Variants in SARS2 observed in about 807,000 individuals in gnomAD.
SARS2 encodes the protein serine--tRNA ligase, mitochondrial.
A neutral mutation model predicts 66.8 loss-of-function variants in SARS2; 52 were observed. The observed-to-expected ratio is 0.78, with a 90% confidence interval of 0.62 to 0.98. The LOEUF (loss-of-function observed/expected upper bound fraction) is 0.98. Among genes scored for constraint, SARS2 ranks in the 50% least tolerant of loss-of-function variants. The pLI is 0.00. For missense variants in SARS2, 673 were observed against 706.3 expected (o/e 0.95, Z 0.53); for synonymous variants, 306 against 281.4 (o/e 1.09, Z -0.87).
chr19:38,923,855 T>A (rs1281910940), intron 2 of SARS2, among the ~76,000 whole-genome samples: 2 of 151,992 alleles, frequency 1.3e-5, no homozygotes, highest in African/African-American at 4.8e-5. Flanking sequence ...GCGCCTGTAG[T>A]CCCAGCTACT....
Position 38,921,086 on chromosome 19 carries a change from C to CACAGAT in SARS2, c.589+305_589+306insATCTGT, listed in dbSNP as rs527541721. 4.6e-3 allele frequency among the ~76,000 whole-genome samples: 705 copies of CACAGAT among 151,824 alleles called. 13 individuals are homozygous for CACAGAT. The highest frequency in any genetic ancestry group is 0.016 in the African/African-American group (678 of 41,280). On this transcript the variant is annotated intron_variant, in intron 5 of 15. Coordinates refer to ENST00000221431, the MANE Select transcript of SARS2 (RefSeq NM_017827.4). Reference sequence around the variant, plus strand: ...ACATACAGATACAGACACACAGATACAGACACACATGACACACAGTCACAC... The same window carrying CACAGAT: ...ACATACAGATACAGACACACAGATACACAGATAGACACACATGACACACAGTCACAC...
rs1276140761 is a variant in SARS2 at position 38,920,155 on chromosome 19, T to C, written c.590-6A>G. 2 of 1,557,284 alleles carry C rather than the reference T, an allele frequency of 1.3e-6. No individual in the cohort carries two copies. Among genetic ancestry groups the C allele is most frequent in the Non-Finnish European group, 1.7e-6 (2 of 1,149,860 alleles). ...CCGAGGTTGGAAGGAGAAAACTGGATGTGGGTGAAAAGCACCGGTGTAAGG... is the reference window on the plus strand; with the variant it reads ...CCGAGGTTGGAAGGAGAAAACTGGACGTGGGTGAAAAGCACCGGTGTAAGG... On this transcript the variant is annotated splice_polypyrimidine_tract_variant and splice_region_variant and intron_variant, in intron 5 of 15. Coordinates refer to ENST00000221431, the MANE Select transcript of SARS2 (RefSeq NM_017827.4).
chr19:38,925,242 G>A (rs1974607897), intron 2 of SARS2, among the ~76,000 whole-genome samples: 1 of 152,178 alleles, frequency 6.6e-6, no homozygotes, highest in Admixed American at 6.5e-5. Context: ...GAACCCAGGG[G>A]GCAGAGGGTG....
At position 38,919,837 on chromosome 19, in the gene SARS2, G is replaced by A; in HGVS notation, c.684C>T (p.Ser228=). The A allele has an allele frequency of 6.2e-7, 1 of 1,614,160 alleles. No individual in the cohort carries two copies. Among genetic ancestry groups the A allele is most frequent in the Non-Finnish European group, 8.5e-7 (1 of 1,180,002 alleles). The change falls in exon 7 of 16, where the codon TCC becomes TCT. Residue 228 remains serine, a synonymous_variant. Coordinates refer to ENST00000221431, the MANE Select transcript of SARS2 (RefSeq NM_017827.4). The part of the protein sequence containing the change: ...KRLSHVSGHR[S]YYLRGAGALL... ...GGGCTCCAGCCCCGCGCAGGTAATAGGACCGGTGGCCAGACACGTGGGACA... is the reference window on the plus strand; with the variant it reads ...GGGCTCCAGCCCCGCGCAGGTAATAAGACCGGTGGCCAGACACGTGGGACA...
At chr19:38,918,885 G>A (rs1974468642) in intron 7 of SARS2, 72 bp from the exon 8 acceptor site, 1 of 1,460,798 alleles carries the variant, frequency 6.8e-7, no homozygotes, top group African/African-American at 1.4e-5. Flanking sequence ...CTGAAGAAGG[G>A]GTGCTGCAGA....
In SARS2 at chr19:38,920,152, G is replaced by A; in HGVS notation, c.590-3C>T. Reference sequence around the variant, plus strand: ...GCCCCGAGGTTGGAAGGAGAAAACTGGATGTGGGTGAAAAGCACCGGTGTA... The same window carrying A: ...GCCCCGAGGTTGGAAGGAGAAAACTAGATGTGGGTGAAAAGCACCGGTGTA... On this transcript the variant is annotated splice_polypyrimidine_tract_variant and splice_region_variant and intron_variant, in intron 5 of 15. Transcript: ENST00000221431. 6.4e-7 allele frequency: 1 copy of A among 1,558,130 alleles called. No individual in the cohort carries two copies. The highest frequency in any genetic ancestry group is 8.7e-7 in the Non-Finnish European group (1 of 1,150,164).
At chr19:38,929,159 G>T (rs1974682005) in intron 1 of SARS2, among the ~76,000 whole-genome samples, 1 of 151,688 alleles carries the variant, frequency 6.6e-6, no homozygotes, top group Admixed American at 6.6e-5. Context: ...AGAAGTCGCA[G>T]CGCACTCCAG....
At chr19:38,919,617 T>G (rs1974480921) in intron 7 of SARS2, 145 bp downstream of exon 7, 1 of 718,178 alleles carries the variant, frequency 1.4e-6, no homozygotes, top group Non-Finnish European at 2.5e-6. Context: ...AAAGTTGTCG[T>G]AAGGACTAAA....
At chr19:38,921,014 CAG>C (rs1568425664) in intron 5 of SARS2, among the ~76,000 whole-genome samples, 2 of 27,866 alleles carry the variant, frequency 7.2e-5, no homozygotes, top group Non-Finnish European at 1.9e-4. Flanking sequence ...CAGACACACA[CAG>C]ATACACAGAT....
chr19:38,918,645 T>C, intron 8 of SARS2, 115 bp from the exon 9 acceptor site: 1 of 1,387,884 alleles, frequency 7.2e-7, no homozygotes, highest in Non-Finnish European at 1.0e-6. Context: ...CTGGCCTCCC[T>C]GGTATGGCCT....
At chr19:38,918,191 C>A (rs1264304243) in intron 9 of SARS2, 52 bp from the exon 10 acceptor site, 4 of 1,554,618 alleles carry the variant, frequency 2.6e-6, no homozygotes, top group African/African-American at 2.7e-5. Flanking sequence ...CCAGAGGAAG[C>A]CTTTGGAAGA....
rs760460382 is a variant in SARS2 at position 38,915,900 on chromosome 19, C to T, written c.1354G>A (p.Ala452Thr). 3 of 1,613,754 alleles carry T rather than the reference C, an allele frequency of 1.9e-6. No individual in the cohort carries two copies. The highest frequency in any genetic ancestry group is 1.1e-5 in the South Asian group (1 of 91,086). ...AGGCGGGGGACAGCACAGGCGGTGG[C>T]GTTCACCTGTGAGACAGCCATGCTC... ...GELQFAHTVN[A>T]TACAVPRLLI... The change falls in exon 15 of 16, where the codon GCC becomes ACC. Residue 452 changes from alanine (A) to threonine (T), a missense_variant. Ala to Thr is a moderately conservative substitution (Grantham distance 58). Coordinates refer to ENST00000221431, the MANE Select transcript of SARS2 (RefSeq NM_017827.4).
At chr19:38,921,702 G>T (rs1294901076) in intron 3 of SARS2, 35 bp from the exon 4 acceptor site, 5 of 1,612,382 alleles carry the variant, frequency 3.1e-6, no homozygotes, top group Non-Finnish European at 4.2e-6. Context: ...GCCCGGGAGA[G>T]GGTCAGGACT....
At position 38,921,216 on chromosome 19, in the gene SARS2, C is replaced by T. The variant is rs1257572793; in HGVS notation, c.589+176G>A. Among the ~76,000 whole-genome samples, 4 of 152,158 alleles carry T rather than the reference C, an allele frequency of 2.6e-5. 1 individual carries two copies. Among genetic ancestry groups the T allele is most frequent in the Non-Finnish European group, 5.9e-5 (4 of 68,020 alleles). On this transcript the variant is annotated intron_variant, in intron 5 of 15. Coordinates refer to ENST00000221431, the MANE Select transcript of SARS2 (RefSeq NM_017827.4). The stretch of plus-strand genomic sequence containing the variant: ...GGGGAGAGAATGAAAACCCAAGGAC[C>T]GCCTCTCAGAGACAGCTCGAGCTCG...
At chr19:38,920,307 A>G (rs1014680634) in intron 5 of SARS2, among the ~76,000 whole-genome samples, 158 bp from the exon 6 acceptor site, 1 of 151,776 alleles carries the variant, frequency 6.6e-6, no homozygotes, top group Non-Finnish European at 1.5e-5. Context: ...AGGGAGGGAA[A>G]GGGAAGAAAA....
chr19:38,916,999 T>C (rs1234843919), intron 12 of SARS2, among the ~76,000 whole-genome samples: 5 of 150,176 alleles, frequency 3.3e-5, no homozygotes, highest in Non-Finnish European at 4.4e-5. Flanking sequence ...TCTCACTCTG[T>C]TGCCCCAGGC....
At chr19:38,925,431 C>G (rs1218088967) in intron 2 of SARS2, among the ~76,000 whole-genome samples, 3 of 152,208 alleles carry the variant, frequency 2.0e-5, no homozygotes, top group African/African-American at 7.2e-5. Context: ...GGAGGATGGC[C>G]TCTGATCAGC....
chr19:38,927,266 TG>T (rs955738874), intron 1 of SARS2, among the ~76,000 whole-genome samples: 17 of 152,224 alleles, frequency 1.1e-4, no homozygotes, highest in Admixed American at 1.0e-3. Context: ...AAAAATTAGC[TG>T]GGTGACAGAT....
chr19:38,921,496 T>A (rs375008663), intron 4 of SARS2, 31 bp downstream of exon 4: 18 of 1,614,134 alleles, frequency 1.1e-5, no homozygotes, highest in Non-Finnish European at 1.5e-5. Flanking sequence ...GGTGGGCCCC[T>A]GGCCTCCCTG....
Sources: gnomAD v4.1 joint callset for allele counts (sites outside exome capture counted in the v4.1 genomes callset) on GRCh38, gnomAD v4.1.1 for gene constraint, MANE v1.5 for transcripts, NCBI Gene and HGNC (gene_info 2026-07-23, HGNC 2026-07-21) for gene names.